The following SYT9 variants were observed in gnomAD, a reference collection of about 807,000 sequenced individuals.
SYT9 encodes synaptotagmin-9.
In SYT9, 22 loss-of-function variants were observed where a neutral mutation model predicts 48.4. The ratio of observed to expected loss-of-function variants is 0.45; its 90% confidence interval spans 0.32 to 0.65. SYT9 has a LOEUF of 0.65. Ranked by LOEUF, SYT9 falls within the 30% of genes least tolerant of loss-of-function variation. The pLI, the probability that SYT9 is intolerant of heterozygous loss-of-function variation, is 0.03. For missense variants in SYT9, 577 were observed against 622.0 expected, an observed-to-expected ratio of 0.93 and a Z score of 0.77; for synonymous variants, 265 against 245.0, an observed-to-expected ratio of 1.08 and a Z score of -0.76.
At chr11:7,352,472 C>G (rs909577664) in intron 3 of SYT9, among the ~76,000 whole-genome samples, 6 of 152,010 alleles carry the variant, frequency 3.9e-5, no homozygotes, top group Admixed American at 6.6e-5. Flanking sequence ...CCTACTATCC[C>G]TGGATGACAA....
intron 3 of SYT9, among the ~76,000 whole-genome samples, chr11:7,347,130 C>G (rs1471581692): frequency 1.3e-5 from 2 of 152,200 alleles, no homozygotes; most frequent in Non-Finnish European, 2.9e-5. Flanking sequence ...GGAAGCTTGT[C>G]TGTCTTCTCT....
At chr11:7,297,320 C>T (rs1589923265) in intron 1 of SYT9, among the ~76,000 whole-genome samples, 1 of 152,242 alleles carries the variant, frequency 6.6e-6, no homozygotes, top group Non-Finnish European at 1.5e-5. Context: ...ACTCCATGTA[C>T]TCAAAACTCA....
At chr11:7,445,293 T>G (rs1211275205) in intron 6 of SYT9, among the ~76,000 whole-genome samples, 1 of 152,196 alleles carries the variant, frequency 6.6e-6, no homozygotes, top group Non-Finnish European at 1.5e-5. Context: ...AGAAATCAAA[T>G]GTCCAAAAAT....
At position 7,281,268 on chromosome 11, in the gene SYT9, G is replaced by C. The variant is rs560741186; in HGVS notation, c.146-21771G>C. 5.9e-5 allele frequency among the ~76,000 whole-genome samples: 9 copies of C among 152,334 alleles called. No individual in the cohort carries two copies. The East Asian group carries it at 1.7e-3, about 29-fold the overall frequency. On this transcript the variant is annotated intron_variant, in intron 1 of 6. Transcript: ENST00000318881. ...TCACAATGAGAGGAATTCCTAAACA[G>C]ATGAGATCAGATCCAATAGAACAGG...
At chr11:7,257,857 G>C (rs1848003524) in intron 1 of SYT9, among the ~76,000 whole-genome samples, 1 of 152,160 alleles carries the variant, frequency 6.6e-6, no homozygotes, top group East Asian at 1.9e-4. Context: ...CCTCTACATG[G>C]ACCAGTGAGT....
At chr11:7,389,303 G>T (rs1369190309) in intron 3 of SYT9, among the ~76,000 whole-genome samples, 1 of 151,926 alleles carries the variant, frequency 6.6e-6, no homozygotes, top group Non-Finnish European at 1.5e-5. Flanking sequence ...AGGAGACTGG[G>T]GTATCAAAAG....
chr11:7,241,956 T>C (rs1847745377), intron 1 of SYT9, among the ~76,000 whole-genome samples: 2 of 152,248 alleles, frequency 1.3e-5, no homozygotes, highest in South Asian at 4.1e-4. Flanking sequence ...CTATGTGACT[T>C]TGGGCAGGTG....
In SYT9 at chr11:7,306,638, C is replaced by CT. The variant is rs551391833; in HGVS notation, c.497+3255dup. On this transcript the variant is annotated intron_variant, in intron 2 of 6. Coordinates refer to ENST00000318881, the MANE Select transcript of SYT9 (RefSeq NM_175733.4). ...GTTCCCTCAGCCAGGAATGCTTTTC[C>CT]TTTTTTTGTCCTTCTTGGGACCTTT... is the stretch of plus-strand genomic sequence containing the variant. Among the ~76,000 whole-genome samples the CT allele has an allele frequency of 3.0e-3, 461 of 152,240 alleles. 2 individuals are homozygous for CT. The highest frequency in any genetic ancestry group is 8.7e-3 in the South Asian group (42 of 4,812).
chr11:7,369,450 T>G (rs1222535529), intron 3 of SYT9, among the ~76,000 whole-genome samples: 3 of 152,162 alleles, frequency 2.0e-5, no homozygotes, highest in Admixed American at 2.0e-4. Context: ...CTGATGATAG[T>G]TTCTTTGGCT....
chr11:7,251,099 GAC>G (rs369736479), upstream of SYT9, among the ~76,000 whole-genome samples: 3,119 of 131,544 alleles, frequency 0.024, 32 homozygotes, highest in Non-Finnish European at 0.029. Flanking sequence ...GTGGCACAGT[GAC>G]ACACACACAC....
At chr11:7,432,190 C>T (rs1847588172) in intron 6 of SYT9, among the ~76,000 whole-genome samples, 1 of 152,168 alleles carries the variant, frequency 6.6e-6, no homozygotes, top group Non-Finnish European at 1.5e-5. Context: ...CTTGGGGGCC[C>T]ACCCTTTGCA....
At chr11:7,240,536 T>C (rs1225575440) in intron 1 of SYT9, among the ~76,000 whole-genome samples, 1 of 152,200 alleles carries the variant, frequency 6.6e-6, no homozygotes, top group Non-Finnish European at 1.5e-5. Flanking sequence ...CAAACAAGCT[T>C]TGAATACGTC....
chr11:7,276,192 C>T (rs1426066706), intron 1 of SYT9, among the ~76,000 whole-genome samples: 2 of 152,148 alleles, frequency 1.3e-5, no homozygotes, highest in Non-Finnish European at 2.9e-5. Context: ...TCACCACATC[C>T]TCACTTTCCC....
chr11:7,248,342 A>G (rs1221977707), upstream of SYT9, among the ~76,000 whole-genome samples: 1 of 151,830 alleles, frequency 6.6e-6, no homozygotes, highest in Non-Finnish European at 1.5e-5. Flanking sequence ...AGTCCCAGAA[A>G]TGTATCTATC....
chr11:7,284,925 C>A (rs933992510), intron 1 of SYT9, among the ~76,000 whole-genome samples: 5 of 152,090 alleles, frequency 3.3e-5, no homozygotes, highest in African/African-American at 9.7e-5. Context: ...CTTTTGCTCC[C>A]TCCCCTACTT....
At chr11:7,369,306 A>G (rs1449088999) in intron 3 of SYT9, among the ~76,000 whole-genome samples, 1 of 147,488 alleles carries the variant, frequency 6.8e-6, no homozygotes, top group African/African-American at 2.5e-5. Flanking sequence ...TTATTTGCCC[A>G]CTTTTTGATG....
intron 1 of SYT9, among the ~76,000 whole-genome samples, chr11:7,241,160 A>G (rs1439411863): frequency 1.3e-5 from 2 of 152,076 alleles, no homozygotes; most frequent in Non-Finnish European, 2.9e-5. Flanking sequence ...CCAAGCCTAG[A>G]AAAAGAGTTA....
chr11:7,244,063 A>G (rs184884364), intron 1 of SYT9, among the ~76,000 whole-genome samples: 8 of 152,256 alleles, frequency 5.3e-5, no homozygotes, highest in Admixed American at 1.3e-4. Flanking sequence ...GAAACGATGA[A>G]CAAATGTAAA....
At chr11:7,250,451 A>ACCCCCCC (rs59724555), upstream of SYT9, among the ~76,000 whole-genome samples, 1 of 91,780 alleles carries the variant, frequency 1.1e-5, no homozygotes, top group Non-Finnish European at 2.3e-5. Context: ...CCCCCCCGCC[A>ACCCCCCC]CCCCCCCCCA....
Sources: allele counts gnomAD v4.1 joint callset (sites outside exome capture counted in the v4.1 genomes callset), GRCh38; gene constraint gnomAD v4.1.1; transcripts MANE v1.5; gene names NCBI Gene and HGNC (gene_info 2026-07-23, HGNC 2026-07-21).